The following MALAT1 variants were observed in gnomAD, a reference collection of about 807,000 sequenced individuals.
The protein encoded by MALAT1 is metastasis associated lung adenocarcinoma transcript 1, also known as hepcarcin.
exon 3 of MALAT1, chr11:65,499,624 G>T (rs2134977906): frequency 2.2e-6 from 1 of 445,710 alleles, no homozygotes; most frequent in East Asian, 7.0e-5. Flanking sequence ...GGGAGTGGTA[G>T]GATGAAACAA....
At chr11:65,501,808 C>G in exon 3 of MALAT1, 1 of 518,304 alleles carries the variant, frequency 1.9e-6, no homozygotes, top group Non-Finnish European at 3.9e-6. Flanking sequence ...GTTAAGTTTT[C>G]CAATAATGTG....
At chr11:65,504,287 G>T (rs779721352) in intron 3 of MALAT1, 4 of 512,442 alleles carry the variant, frequency 7.8e-6, no homozygotes, top group South Asian at 5.7e-5. Context: ...GGGAGGAGGG[G>T]GTGGGGCTTA....
At chr11:65,498,622 C>G (rs757302768) in intron 1 of MALAT1, 1 of 518,694 alleles carries the variant, frequency 1.9e-6, no homozygotes, top group Non-Finnish European at 3.9e-6. Flanking sequence ...AAGGCTGGGG[C>G]TCAGTTGCGT....
intron 1 of MALAT1, chr11:65,497,887 C>T (rs780380013): frequency 1.6e-4 from 83 of 518,602 alleles, no homozygotes; most frequent in South Asian, 6.8e-4. Flanking sequence ...CTGACGCCTC[C>T]GGGAGCCCAG....
rs200051746 is a variant in MALAT1, at chr11:65,502,674, C to G, written n.3937C>G. On this transcript the variant is annotated non_coding_transcript_exon_variant, in exon 3 of 4. Coordinates refer to ENST00000619449, the Ensembl canonical transcript of MALAT1. ...TAACATCTTCTGAGTCATAACCAGC[C>G]TGGCAGTATGATGGCCTAGATGCAG... The G allele has an allele frequency of 7.5e-5, 37 of 491,772 alleles. 1 individual carries two copies. In the Middle Eastern group the frequency reaches 2.6e-3, roughly 35 times the overall value. 30.5% of individuals were successfully genotyped at this position (491,772 alleles called of 1,614,324 possible). A position where few individuals can be genotyped will look rare whatever the true frequency, so the allele number is the denominator to read the frequency against.
exon 3 of MALAT1, chr11:65,503,701 TGGG>T (rs757261047): frequency 1.9e-6 from 1 of 517,644 alleles, no homozygotes; most frequent in Non-Finnish European, 3.9e-6. Flanking sequence ...GGGGCAATCT[TGGG>T]GGGGATTCTT....
chr11:65,498,457 T>C, intron 1 of MALAT1: 1 of 518,452 alleles, frequency 1.9e-6, no homozygotes, highest in East Asian at 5.4e-5. Context: ...AGAGTGGGTT[T>C]TCACGTTTCT....
intron 1 of MALAT1, chr11:65,498,122 T>C (rs1854435082): frequency 5.8e-6 from 3 of 518,738 alleles, no homozygotes; most frequent in South Asian, 2.8e-5. Context: ...CAAAAACCCC[T>C]AAAAAAGCAG....
intron 3 of MALAT1, chr11:65,505,598 A>AC: frequency 1.9e-6 from 1 of 518,506 alleles, no homozygotes; most frequent in South Asian, 1.4e-5. Flanking sequence ...CAGACCCTTC[A>AC]CCCCTCACCT....
intron 3 of MALAT1, chr11:65,505,866 C>T (rs756672703): frequency 8.8e-6 from 4 of 454,858 alleles, no homozygotes; most frequent in East Asian, 5.6e-5. Flanking sequence ...GAACATGTAA[C>T]TTGTAGACTG....
chr11:65,499,029 G>T, exon 3 of MALAT1: 1 of 518,652 alleles, frequency 1.9e-6, no homozygotes, highest in South Asian at 1.4e-5. Flanking sequence ...AATACGCCTC[G>T]CCCGAGCTGT....
At chr11:65,505,993 G>A in intron 3 of MALAT1, 1 of 461,078 alleles carries the variant, frequency 2.2e-6, no homozygotes. Flanking sequence ...CTTAGCGGAA[G>A]CTGATCTCCA....
In MALAT1 at chr11:65,498,527, T is replaced by G. The variant is rs145862195; in HGVS notation, n.179-155T>G. ...ATTTCTCGAACAAAAAAGCAAAACG[T>G]GTGGCTGTCTTGGGAGCAAGTCGCA... On this transcript the variant is annotated intron_variant and non_coding_transcript_variant, in intron 1 of 3. Transcript: ENST00000619449. 3 of 517,970 alleles carry G rather than the reference T, an allele frequency of 5.8e-6. No individual in the cohort carries two copies. In the East Asian group the frequency reaches 1.6e-4, roughly 28 times the overall value. The allele number at this position is 517,970 out of a possible 1,614,324, so 32.1% of individuals were successfully genotyped here. A position where few individuals can be genotyped will look rare whatever the true frequency, so the allele number is the denominator to read the frequency against.
exon 3 of MALAT1, chr11:65,499,276 A>G (rs201392634): frequency 1.9e-6 from 1 of 513,718 alleles, no homozygotes; most frequent in Admixed American, 2.0e-5. Flanking sequence ...GAGGAAGGAA[A>G]AGATAAAAGG....
chr11:65,500,276 A>T (rs747212980), exon 3 of MALAT1: 1 of 518,724 alleles, frequency 1.9e-6, no homozygotes, highest in Non-Finnish European at 3.8e-6. Context: ...AATGTGAAGG[A>T]CTTTCGTAAC....
exon 3 of MALAT1, chr11:65,500,470 A>G (rs754849284): frequency 3.9e-6 from 2 of 518,982 alleles, no homozygotes; most frequent in South Asian, 2.8e-5. Flanking sequence ...CCAGTGTTTG[A>G]TGAAGCTAGG....
At chr11:65,503,226 A>G (rs1283186977) in exon 3 of MALAT1, 1 of 514,462 alleles carries the variant, frequency 1.9e-6, no homozygotes, top group Non-Finnish European at 3.9e-6. Flanking sequence ...ATTGCATGTT[A>G]GGGATAAGTG....
At position 65,497,908 on chromosome 11, in the gene MALAT1, G is replaced by A. The variant is rs769586989; in HGVS notation, n.178+43G>A. 3 of 518,748 alleles carry A rather than the reference G, an allele frequency of 5.8e-6. No homozygotes were observed. The Admixed American group carries it at 5.8e-5, about 10-fold the overall frequency. 32.1% of individuals were successfully genotyped at this position (518,748 alleles called of 1,614,324 possible). A position where few individuals can be genotyped will look rare whatever the true frequency, so the allele number is the denominator to read the frequency against. On this transcript the variant is annotated intron_variant and non_coding_transcript_variant, in intron 1 of 3. Coordinates refer to ENST00000619449, the Ensembl canonical transcript of MALAT1. ...CCTCCGGGAGCCCAGGTTTCCCAGA[G>A]TCCTTGGGACGCAGCGACGAGTTGT...
In MALAT1 at chr11:65,498,351, T is replaced by TG. The variant is rs369036373; in HGVS notation, n.179-325dup. 992 of 517,804 alleles carry TG rather than the reference T, an allele frequency of 1.9e-3. 11 individuals carry two copies. Among genetic ancestry groups the TG allele is most frequent in the African/African-American group, 0.016 (843 of 52,012 alleles). 32.1% of individuals were successfully genotyped at this position (517,804 alleles called of 1,614,324 possible). ...CGGGCCGTGGGGGGCTGGCGGCAACTGGGGGGCCGCAGATCAGAGTGGGCC... is the reference window on the plus strand; with the variant it reads ...CGGGCCGTGGGGGGCTGGCGGCAACTGGGGGGGCCGCAGATCAGAGTGGGCC... On this transcript the variant is annotated intron_variant and non_coding_transcript_variant, in intron 1 of 3. Transcript: ENST00000619449.
Sources: gnomAD v4.1 joint callset for allele counts on GRCh38, gnomAD v4.1.1 for gene constraint, MANE v1.5 for transcripts, NCBI Gene and HGNC (gene_info 2026-07-23, HGNC 2026-07-21) for gene names.